MDGA2: variants seen among roughly 807,000 people sequenced by gnomAD.
MDGA2 encodes the protein MAM domain-containing glycosylphosphatidylinositol anchor protein 2.
Under a neutral mutation model 117.8 loss-of-function variants are expected in MDGA2, and 40 were observed. That is an observed-to-expected ratio of 0.34 (90% CI 0.26 to 0.44). The LOEUF (loss-of-function observed/expected upper bound fraction) is 0.44, where lower values mean the gene tolerates loss of function less well. Ranked by LOEUF, MDGA2 falls within the 20% of genes least tolerant of loss-of-function variation. The pLI is 1.00. For missense variants in MDGA2, 1,123 were observed against 1,250.6 expected (o/e 0.90, Z 1.54); for synonymous variants, 452 against 439.0 (o/e 1.03, Z -0.37).
chr14:47,657,413 T>C (rs1897764899), intron 1 of MDGA2, among the ~76,000 whole-genome samples: 1 of 152,138 alleles, frequency 6.6e-6, no homozygotes, highest in African/African-American at 2.4e-5. Context: ...ATAGACATTA[T>C]CCATATACTG....
intron 1 of MDGA2, among the ~76,000 whole-genome samples, chr14:47,571,763 C>CGGGGGGGGGGGGGG (rs1566521355): frequency 7.8e-5 from 11 of 140,966 alleles, no homozygotes; most frequent in South Asian, 2.4e-4. Context: ...GGGGGGCGGT[C>CGGGGGGGGGGGGGG]GGGGGATAGG....
intron 10 of MDGA2, among the ~76,000 whole-genome samples, chr14:46,889,349 G>T (rs547709671): frequency 4.6e-5 from 7 of 152,132 alleles, no homozygotes; most frequent in Non-Finnish European, 1.0e-4. Flanking sequence ...ACCTTTAGAA[G>T]TGACTGTGTA....
chr14:47,507,483 C>A (rs1035488068), intron 1 of MDGA2, among the ~76,000 whole-genome samples: 3 of 152,066 alleles, frequency 2.0e-5, no homozygotes, highest in African/African-American at 4.8e-5. Flanking sequence ...CAGACCAGAC[C>A]TGAAAAGGAG....
intron 10 of MDGA2, among the ~76,000 whole-genome samples, chr14:46,896,824 T>C (rs577805152): frequency 2.5e-4 from 38 of 152,274 alleles, no homozygotes; most frequent in African/African-American, 9.1e-4. Context: ...TTGCTAATCT[T>C]TTCCCACTCC....
intron 9 of MDGA2, among the ~76,000 whole-genome samples, chr14:46,936,915 T>A (rs1023909217): frequency 6.6e-6 from 1 of 152,030 alleles, no homozygotes; most frequent in South Asian, 2.1e-4. Context: ...ACCACTCTTA[T>A]TCAACGCAGT....
intron 1 of MDGA2, among the ~76,000 whole-genome samples, chr14:47,461,244 C>T (rs1828804050): frequency 1.7e-5 from 2 of 114,738 alleles, no homozygotes; most frequent in South Asian, 2.7e-4. Flanking sequence ...CTCATCATTC[C>T]ATGTAGTCCA....
intron 1 of MDGA2, among the ~76,000 whole-genome samples, chr14:47,335,311 G>A (rs1020005238): frequency 3.4e-5 from 5 of 146,388 alleles, no homozygotes; most frequent in African/African-American, 1.0e-4. Flanking sequence ...AAAGGTTTCC[G>A]TAGGTTGAGG....
At chr14:47,549,749 C>T (rs1204232779) in intron 1 of MDGA2, among the ~76,000 whole-genome samples, 1 of 152,036 alleles carries the variant, frequency 6.6e-6, no homozygotes, top group Non-Finnish European at 1.5e-5. Context: ...CACCAAAGAG[C>T]ACTCTTTTGC....
chr14:47,388,439 G>C (rs955767425), intron 1 of MDGA2, among the ~76,000 whole-genome samples: 4 of 152,080 alleles, frequency 2.6e-5, no homozygotes, highest in Admixed American at 2.0e-4. Flanking sequence ...GCTTCCTTCT[G>C]CTTTTGTGCA....
chr14:47,623,478 C>A (rs536768109), intron 1 of MDGA2, among the ~76,000 whole-genome samples: 1 of 152,204 alleles, frequency 6.6e-6, no homozygotes, highest in South Asian at 2.1e-4. Flanking sequence ...ATATCTAATG[C>A]AGTACTGTCA....
At chr14:47,228,929 T>C (rs556349750) in intron 2 of MDGA2, among the ~76,000 whole-genome samples, 2 of 152,236 alleles carry the variant, frequency 1.3e-5, no homozygotes, top group South Asian at 4.1e-4. Flanking sequence ...TTAGGCACCC[T>C]CTGCCCAATA....
At chr14:47,014,541 A>T (rs1888014052) in intron 8 of MDGA2, among the ~76,000 whole-genome samples, 1 of 152,206 alleles carries the variant, frequency 6.6e-6, no homozygotes, top group Non-Finnish European at 1.5e-5. Flanking sequence ...AACTTGCTGC[A>T]GTTTCTACAT....
intron 1 of MDGA2, among the ~76,000 whole-genome samples, chr14:47,398,695 T>C (rs1023059028): frequency 9.2e-5 from 14 of 152,192 alleles, no homozygotes; most frequent in South Asian, 2.1e-4. Context: ...TTTCATGCAA[T>C]TTAATGTATT....
intron 8 of MDGA2, among the ~76,000 whole-genome samples, chr14:47,006,909 T>C (rs1026452827): frequency 6.6e-6 from 1 of 151,716 alleles, no homozygotes; most frequent in Non-Finnish European, 1.5e-5. Context: ...TAACAGACTA[T>C]TATTGTCCTG....
intron 16 of MDGA2, among the ~76,000 whole-genome samples, chr14:46,845,221 C>T (rs1461651523): frequency 6.6e-6 from 1 of 152,176 alleles, no homozygotes; most frequent in East Asian, 1.9e-4. Context: ...CCCCTTCTCT[C>T]AGCAATTCTC....
At chr14:46,955,640 A>G (rs957662662) in intron 9 of MDGA2, among the ~76,000 whole-genome samples, 1 of 152,040 alleles carries the variant, frequency 6.6e-6, no homozygotes, top group Non-Finnish European at 1.5e-5. Context: ...GAATTTTAAA[A>G]GAAGAAAGAA....
rs115109659 is a variant in MDGA2, at chr14:47,189,521, C to T, written c.595+28500G>A. ...TATCGAGTCAGGTGTCATTTCTATT[C>T]CTCCTTAAAAAAAAATTGAGGTATT... On this transcript the variant is annotated intron_variant, in intron 3 of 16. Transcript: ENST00000399232. Among the ~76,000 whole-genome samples the T allele has an allele frequency of 9.0e-3, 1,375 of 152,072 alleles. 26 individuals are homozygous for T. The highest frequency in any genetic ancestry group is 0.032 in the African/African-American group (1,321 of 41,464).
At chr14:47,282,098 T>C (rs1888511406) in intron 2 of MDGA2, among the ~76,000 whole-genome samples, 1 of 151,636 alleles carries the variant, frequency 6.6e-6, no homozygotes, top group South Asian at 2.1e-4. Context: ...TTTGGATACC[T>C]TGAAATGATG....
intron 1 of MDGA2, among the ~76,000 whole-genome samples, chr14:47,567,182 T>A (rs1239774720): frequency 2.6e-5 from 4 of 152,128 alleles, no homozygotes; most frequent in African/African-American, 9.7e-5. Context: ...ACTATAGGCC[T>A]GAGTCATCAT....
Sources: gnomAD v4.1 joint callset for allele counts (sites outside exome capture counted in the v4.1 genomes callset) on GRCh38, gnomAD v4.1.1 for gene constraint, MANE v1.5 for transcripts, NCBI Gene and HGNC (gene_info 2026-07-23, HGNC 2026-07-21) for gene names.